LRRFIP2: variants seen among roughly 807,000 people sequenced by gnomAD.
LRRFIP2 encodes LRR binding FLII interacting protein 2.
Under a neutral mutation model 125.9 loss-of-function variants are expected in LRRFIP2, and 109 were observed. That is an observed-to-expected ratio of 0.87 (90% CI 0.74 to 1.01). LRRFIP2 has a LOEUF of 1.01. Among genes scored for constraint, LRRFIP2 ranks in the 50% least tolerant of loss-of-function variants. The probability of loss-of-function intolerance (pLI) is 0.00; values close to 1 mark genes in which losing one functional copy is unlikely to be tolerated. For synonymous variants in LRRFIP2, 291 were observed against 293.1 expected, an observed-to-expected ratio of 0.99 and a Z score of 0.07; for missense variants, 850 against 862.3, an observed-to-expected ratio of 0.99 and a Z score of 0.18.
At chr3:37,096,490 A>G in intron 16 of LRRFIP2, 126 bp downstream of exon 16, 1 of 647,350 alleles carries the variant, frequency 1.5e-6, no homozygotes, top group Non-Finnish European at 2.7e-6. Flanking sequence ...GGTCAAGGAC[A>G]GGAAATAGAT....
At chr3:37,057,694 C>T (rs926449005) in intron 25 of LRRFIP2, among the ~76,000 whole-genome samples, 12 of 152,128 alleles carry the variant, frequency 7.9e-5, no homozygotes, top group African/African-American at 2.9e-4. Context: ...GGCAGCCTAT[C>T]TCAGAAGGTT....
chr3:37,069,232 C>A (rs112564741), intron 21 of LRRFIP2, among the ~76,000 whole-genome samples: 4 of 152,304 alleles, frequency 2.6e-5, no homozygotes, highest in African/African-American at 7.2e-5. Flanking sequence ...AGCAATTCCA[C>A]TTCTGGGTAC....
At chr3:37,137,579 A>G (rs2095589306) in intron 2 of LRRFIP2, among the ~76,000 whole-genome samples, 2 of 152,178 alleles carry the variant, frequency 1.3e-5, no homozygotes, top group Admixed American at 6.5e-5. Context: ...CTAGATAGGT[A>G]AATAATCTTC....
intron 2 of LRRFIP2, among the ~76,000 whole-genome samples, chr3:37,141,836 C>T (rs1375748398): frequency 6.6e-6 from 1 of 152,154 alleles, no homozygotes; most frequent in Non-Finnish European, 1.5e-5. Context: ...GGGTTTGGCA[C>T]TCTAAGTAGC....
In LRRFIP2 at chr3:37,146,623, T is replaced by C. The variant is rs140938082; in HGVS notation, c.90+2271A>G. 1.4e-3 allele frequency among the ~76,000 whole-genome samples: 214 copies of C among 152,322 alleles called. 2 individuals carry two copies. The highest frequency in any genetic ancestry group is 4.7e-3 in the African/African-American group (195 of 41,570). On this transcript the variant is annotated intron_variant, in intron 2 of 27. Coordinates refer to ENST00000336686, the MANE Select transcript of LRRFIP2 (RefSeq NM_006309.4). ...GGATAATGGCTTCCAGCTCCATCCA[T>C]GTCCCTGCAAAGGATATGATATAGT...
At chr3:37,067,656 G>A (rs1023877833) in intron 21 of LRRFIP2, 1 of 152,088 alleles carries the variant, frequency 6.6e-6, no homozygotes, top group Non-Finnish European at 1.5e-5. Context: ...TAGCAACTAC[G>A]ATTTGTATAG....
rs1284222177 is a variant in LRRFIP2, at chr3:37,105,514, C to T, written c.724G>A (p.Asp242Asn). The change falls in exon 14 of 28, where the codon GAT becomes AAT. Residue 242 changes from aspartate (D) to asparagine (N), a missense_variant. Physicochemically the swap from Asp to Asn is conservative, Grantham distance 23 (BLOSUM62 1). Transcript: ENST00000336686. Reference sequence around the variant, plus strand: ...GAAGACACAATGCTTGCAGTGTCATCGTTGGTAAACTATAGATATTAAATG... The same window carrying T: ...GAAGACACAATGCTTGCAGTGTCATTGTTGGTAAACTATAGATATTAAATG... ...SARSSPGFTN[D>N]DTASIVSSDR... 1.7e-5 allele frequency: 28 copies of T among 1,613,102 alleles called. 1 individual carries two copies. Among genetic ancestry groups the T allele is most frequent in the Non-Finnish European group, 2.3e-5 (27 of 1,179,216 alleles).
chr3:37,105,407 C>T (rs2149362068), intron 14 of LRRFIP2, 48 bp downstream of exon 14: 2 of 1,464,576 alleles, frequency 1.4e-6, no homozygotes, highest in Non-Finnish European at 1.9e-6. Flanking sequence ...TCATGCATTG[C>T]TGTCATTTAA....
chr3:37,056,341 A>T (rs1233480165), intron 25 of LRRFIP2, among the ~76,000 whole-genome samples: 1 of 152,232 alleles, frequency 6.6e-6, no homozygotes, highest in Non-Finnish European at 1.5e-5. Flanking sequence ...TGCAAAAGAT[A>T]AACCAAATCT....
intron 4 of LRRFIP2, among the ~76,000 whole-genome samples, chr3:37,124,290 C>G (rs917085676): frequency 8.5e-5 from 13 of 152,196 alleles, no homozygotes; most frequent in African/African-American, 3.1e-4. Context: ...CAGCACTTCT[C>G]TAAACCTATT....
chr3:37,065,691 A>T, intron 23 of LRRFIP2, 119 bp downstream of exon 23: 1 of 1,239,254 alleles, frequency 8.1e-7, no homozygotes, highest in Non-Finnish European at 1.2e-6. Context: ...TCTTCTAGTT[A>T]AGGATCTACT....
At chr3:37,054,784 T>C (rs756809237) in intron 26 of LRRFIP2, among the ~76,000 whole-genome samples, 2 of 152,216 alleles carry the variant, frequency 1.3e-5, no homozygotes, top group African/African-American at 4.8e-5. Context: ...CAAAGCAATA[T>C]AGGAAGAGAC....
chr3:37,105,416 A>G, intron 14 of LRRFIP2, 39 bp downstream of exon 14: 2 of 1,563,466 alleles, frequency 1.3e-6, no homozygotes, highest in Non-Finnish European at 1.8e-6. Context: ...GCTGTCATTT[A>G]AAACTCATCT....
chr3:37,171,981 A>G (rs1042719867), intron 1 of LRRFIP2, among the ~76,000 whole-genome samples: 21 of 152,234 alleles, frequency 1.4e-4, no homozygotes, highest in African/African-American at 4.6e-4. Context: ...AATGTTTTTA[A>G]GTACCTTATA....
At chr3:37,061,709 A>ACCCAGCCTCAGGTATTCCTTT (rs1384800485) in intron 24 of LRRFIP2, among the ~76,000 whole-genome samples, 3 of 151,924 alleles carry the variant, frequency 2.0e-5, no homozygotes, top group Admixed American at 2.0e-4. Flanking sequence ...TTTATAAATT[A>ACCCAGCCTCAGGTATTCCTTT]CCCAGCCTCA....
chr3:37,105,343 G>T, intron 14 of LRRFIP2, 112 bp downstream of exon 14: 2 of 852,844 alleles, frequency 2.3e-6, no homozygotes, highest in South Asian at 1.5e-5. Context: ...TAAATTTGAG[G>T]AAAATGCTCT....
intron 6 of LRRFIP2, among the ~76,000 whole-genome samples, chr3:37,120,395 G>A (rs562483451): frequency 7.2e-5 from 11 of 152,168 alleles, no homozygotes; most frequent in South Asian, 2.1e-4. Flanking sequence ...GTGAGCCACC[G>A]TGCCTGGCCA....
chr3:37,167,196 CCAAAAAAAAA>C (rs1268945297), intron 1 of LRRFIP2, among the ~76,000 whole-genome samples: 4 of 55,832 alleles, frequency 7.2e-5, no homozygotes, highest in Non-Finnish European at 2.1e-4. Context: ...AATCTTGTCT[CCAAAAAAAAA>C]AAAAAAAGAA....
At position 37,083,757 on chromosome 3, in the gene LRRFIP2, T is replaced by C; in HGVS notation, c.1157A>G (p.Asn386Ser). 10 of 1,599,504 alleles carry C rather than the reference T, an allele frequency of 6.3e-6. No homozygotes were observed. Among genetic ancestry groups the C allele is most frequent in the South Asian group, 4.6e-5 (4 of 87,362 alleles). The change falls in exon 19 of 28, where the codon AAT becomes AGT. Residue 386 changes from asparagine (N) to serine (S), a missense_variant. Transcript: ENST00000336686. ...EEKYKKAMVS[N>S]AQLDNEKNNL... ...GTTCTTCTCATTGTCTAACTGTGCA[T>C]TGGAAACCATGGCTTTCTTGTATTT...
Sources: gnomAD v4.1 joint callset for allele counts (sites outside exome capture counted in the v4.1 genomes callset) on GRCh38, gnomAD v4.1.1 for gene constraint, MANE v1.5 for transcripts, NCBI Gene and HGNC (gene_info 2026-07-23, HGNC 2026-07-21) for gene names.